Variants in FAM9C observed in about 807,000 individuals in gnomAD.
FAM9C encodes family with sequence similarity 9 member C.
In FAM9C, 15 loss-of-function variants were observed where a neutral mutation model predicts 14.8. That is an observed-to-expected ratio of 1.02 (90% CI 0.68 to 1.56). The LOEUF is 1.56. FAM9C is among the 40% of genes most tolerant of loss of function. The pLI is 0.00. For synonymous variants in FAM9C, 45 were observed against 37.5 expected (o/e 1.20, Z -0.74); for missense variants, 116 against 118.0 (o/e 0.98, Z 0.08).
intron 7 of FAM9C, chrX:13,036,683 C>A (rs937563982): frequency 4.5e-5 from 5 of 111,741 alleles, no homozygotes; most frequent in African/African-American, 1.3e-4. Context: ...ATATACTATT[C>A]TCTCAACAAA....
At chrX:13,037,850 T>C (rs2043492028) in intron 7 of FAM9C, 1 of 113,526 alleles carries the variant, frequency 8.8e-6, no homozygotes, top group African/African-American at 3.2e-5. Flanking sequence ...CCATCTCTTA[T>C]GATTACAAAT....
chrX:13,037,551 T>G (rs1264293349), intron 7 of FAM9C: 3 of 113,160 alleles, frequency 2.7e-5, no homozygotes. Flanking sequence ...GTATAGATAA[T>G]CTTTGAGTTG....
At chrX:13,038,219 T>G in intron 7 of FAM9C, 197 bp downstream of exon 7, 1 of 315,081 alleles carries the variant, frequency 3.2e-6, no homozygotes, top group South Asian at 1.1e-4. Context: ...ATCCTAAAAA[T>G]ACTGTTTTAT....
Position 13,040,015 on chromosome X carries a change from G to A in FAM9C, c.330-99C>T, listed in dbSNP as rs966754706. The A allele has an allele frequency of 4.3e-6, 3 of 699,189 alleles. No individual in the cohort carries two copies. The African/African-American group carries it at 6.6e-5, about 15-fold the overall frequency. The allele number at this position is 699,189 out of a possible 1,213,427, so 57.6% of individuals were successfully genotyped here. A position where few individuals can be genotyped will look rare whatever the true frequency, so the allele number is the denominator to read the frequency against. ...GACTTGACATAGTTTGTACTATAAA[G>A]TAGCAAGGGAGTAATAGCAGCTGAA... On this transcript the variant is annotated intron_variant, in intron 5 of 7. Transcript: ENST00000380625.
intron 6 of FAM9C, 23 bp from the exon 7 acceptor site, chrX:13,038,526 T>A: frequency 8.5e-7 from 1 of 1,171,565 alleles, no homozygotes; most frequent in South Asian, 1.9e-5. Context: ...AACAAAAAAG[T>A]GATTAAAATT....
Position 13,039,908 on chromosome X carries a change from C to T in FAM9C, c.338G>A (p.Arg113His), listed in dbSNP as rs757798057. 7 of 1,202,226 alleles carry T rather than the reference C, an allele frequency of 5.8e-6. No homozygotes were observed. The Admixed American group carries it at 1.1e-4, about 19-fold the overall frequency. The change falls in exon 6 of 8, where the codon CGT (arginine) becomes CAT (histidine). Residue 113 changes from arginine (R) to histidine (H), a missense_variant. Transcript: ENST00000380625. ...LRTTQLKRQK[R>H]DYRISLKLPN... ...CAACTTCAGAGAAATTCTATAATCACGTTTCTGCCTGTAACACATAATAAG... is the reference window on the plus strand; with the variant it reads ...CAACTTCAGAGAAATTCTATAATCATGTTTCTGCCTGTAACACATAATAAG...
Position 13,035,952 on chromosome X carries a change from CTT to C in FAM9C, c.*90_*91del, listed in dbSNP as rs1441581651. On this transcript the variant is annotated 3_prime_UTR_variant, in exon 8 of 8. Transcript: ENST00000380625. ...GTATCATATAACATAGGTTCAAGTT[CTT>C]TTGTCAGTCACCAGAATAACAGAGG... 1 of 112,268 alleles carries C rather than the reference CTT, an allele frequency of 8.9e-6. No homozygotes were observed. The highest frequency in any genetic ancestry group is 1.9e-5 in the Non-Finnish European group (1 of 53,143). 9.3% of individuals were successfully genotyped at this position (112,268 alleles called of 1,213,427 possible).
intron 5 of FAM9C, 112 bp downstream of exon 5, chrX:13,040,646 T>C (rs2043517615): frequency 4.2e-6 from 2 of 472,725 alleles, no homozygotes; most frequent in Non-Finnish European, 6.7e-6. Context: ...AAGTAAAATA[T>C]GTTGTTCCCT....
intron 1 of FAM9C, 73 bp from the exon 2 acceptor site, chrX:13,043,930 G>A: frequency 1.7e-6 from 1 of 605,324 alleles, no homozygotes; most frequent in Non-Finnish European, 2.6e-6. Context: ...CAGGATCGCA[G>A]GTTCAAGGGC....
rs375689525 is a variant in FAM9C at position 13,039,037 on chromosome X, T to C, written c.439-534A>G. On this transcript the variant is annotated intron_variant, in intron 6 of 7. Transcript: ENST00000380625. ...TGCAGTATCTACATAATATTAATAA[T>C]AGCAATGATAAACAGCAACCATGGG... Among the ~76,000 whole-genome samples, 87 of 111,513 alleles carry C rather than the reference T, an allele frequency of 7.8e-4. 1 individual carries two copies. Among genetic ancestry groups the C allele is most frequent in the African/African-American group, 2.5e-3 (78 of 30,656 alleles).
At chrX:13,043,047 C>T (rs2043540587) in intron 3 of FAM9C, 81 bp downstream of exon 3, 1 of 1,173,124 alleles carries the variant, frequency 8.5e-7, no homozygotes, top group Non-Finnish European at 1.1e-6. Flanking sequence ...CTGCATAGAA[C>T]ATAACAGTGA....
At chrX:13,043,591 G>A (rs1283209704) in intron 2 of FAM9C, 138 bp downstream of exon 2, 29 of 734,707 alleles carry the variant, frequency 3.9e-5, no homozygotes, top group South Asian at 7.5e-5. Flanking sequence ...AAAACCTGGG[G>A]CATCTCAGCA....
At chrX:13,043,583 A>AT in intron 2 of FAM9C, 146 bp downstream of exon 2, 2 of 706,398 alleles carry the variant, frequency 2.8e-6, no homozygotes. Flanking sequence ...CTGCTTTGAA[A>AT]ACCTGGGGCA....
chrX:13,039,242 C>A (rs1241239908), intron 6 of FAM9C, among the ~76,000 whole-genome samples: 2 of 111,271 alleles, frequency 1.8e-5, no homozygotes, highest in East Asian at 5.6e-4. Flanking sequence ...GGAATTGGAT[C>A]CCAAGCAGTG....
At position 13,043,238 on chromosome X, in the gene FAM9C, T is replaced by C; in HGVS notation, c.72A>G (p.Pro24=). Residue 24 remains proline (P), a synonymous_variant, in exon 3 of 8, where the codon CCA becomes CCG. Coordinates refer to ENST00000380625, the MANE Select transcript of FAM9C (RefSeq NM_174901.6). ...TTCTTTCCTCATGCTCATGACTTAC[T>C]GGATCCTTTCCTGCATTAAAATAAA... ...AQEMELAGKD[P]VSHEHEERKP... 1 of 1,203,673 alleles carries C rather than the reference T, an allele frequency of 8.3e-7. No homozygotes were observed. The highest frequency in any genetic ancestry group is 2.3e-5 in the Admixed American group (1 of 44,008).
At chrX:13,039,012 T>C (rs1427410268) in intron 6 of FAM9C, among the ~76,000 whole-genome samples, 1 of 111,493 alleles carries the variant, frequency 9.0e-6, no homozygotes, top group African/African-American at 3.3e-5. Flanking sequence ...TCCCAGTGAC[T>C]GCAGTATCTA....
intron 1 of FAM9C, 119 bp from the exon 2 acceptor site, chrX:13,043,976 G>A: frequency 2.2e-6 from 1 of 446,949 alleles, no homozygotes; most frequent in Non-Finnish European, 3.9e-6. Flanking sequence ...AGGGGACGCG[G>A]AGAAGATGCC....
At chrX:13,044,263 C>A (rs1255872583) in intron 1 of FAM9C, among the ~76,000 whole-genome samples, 1 of 110,753 alleles carries the variant, frequency 9.0e-6, no homozygotes, top group African/African-American at 3.3e-5. Context: ...CCCCTGGTGA[C>A]CCCAAGTATC....
chrX:13,043,562 G>A (rs1464092957), intron 2 of FAM9C, among the ~76,000 whole-genome samples, 167 bp downstream of exon 2: 5 of 112,919 alleles, frequency 4.4e-5, no homozygotes, highest in African/African-American at 1.6e-4. Flanking sequence ...GGAAGCCTAA[G>A]GCCCTTGAGC....
Sources: gnomAD v4.1 joint callset for allele counts (sites outside exome capture counted in the v4.1 genomes callset) on GRCh38, gnomAD v4.1.1 for gene constraint, MANE v1.5 for transcripts, NCBI Gene and HGNC (gene_info 2026-07-23, HGNC 2026-07-21) for gene names.